EVI2B: variants seen among roughly 807,000 people sequenced by gnomAD.
EVI2B encodes ecotropic viral integration site 2B.
A neutral mutation model predicts 6.6 loss-of-function variants in EVI2B; 4 were observed. The ratio of observed to expected loss-of-function variants is 0.61; its 90% CI spans 0.30 to 1.39. The LOEUF is 1.39. Ranked by LOEUF, EVI2B falls within the 40% of genes most tolerant of loss-of-function variation. The pLI is 0.08. For missense variants in EVI2B, 484 were observed against 516.6 expected (o/e 0.94, Z 0.61); for synonymous variants, 181 against 186.8 (o/e 0.97, Z 0.25).
intron 1 of EVI2B, among the ~76,000 whole-genome samples, chr17:31,306,800 A>G (rs1215625658): frequency 6.7e-6 from 1 of 150,312 alleles, no homozygotes; most frequent in African/African-American, 2.4e-5. Flanking sequence ...AGGAGATTAA[A>G]AAAAAAAAAA....
Position 31,305,361 on chromosome 17 carries a change from T to C in EVI2B, c.249A>G (p.Pro83=). The C allele has an allele frequency of 6.2e-7, 1 of 1,614,124 alleles. No individual in the cohort carries two copies. Among genetic ancestry groups the C allele is most frequent in the East Asian group, 2.2e-5 (1 of 44,888 alleles). Residue 83 remains proline (P), a synonymous_variant, in exon 2 of 2, where the codon CCA becomes CCG. Coordinates refer to ENST00000330927, the MANE Select transcript of EVI2B (RefSeq NM_006495.4). ...PAKVTAGQPT[P]AVYTSSEKPE... is the part of the protein sequence containing the mutation. Reference sequence around the variant, plus strand: ...GTTTTTCAGAAGAGGTATAGACAGCTGGTGTTGGTTGTCCAGCAGTGACTT... The same window carrying C: ...GTTTTTCAGAAGAGGTATAGACAGCCGGTGTTGGTTGTCCAGCAGTGACTT...
rs572104724 is a variant in EVI2B, at chr17:31,304,500, A to G, written c.1110T>C (p.Ser370=). ...MTIVSPLPND[S]TSLPPSLDCL... Reference sequence around the variant, plus strand: ...AGTCCAGAGATGGAGGGAGACTAGTAGAATCATTTGGAAGAGGAGATACAA... The same window carrying G: ...AGTCCAGAGATGGAGGGAGACTAGTGGAATCATTTGGAAGAGGAGATACAA... Residue 370 remains serine, a synonymous_variant, in exon 2 of 2, where the codon TCT becomes TCC. Coordinates refer to ENST00000330927, the MANE Select transcript of EVI2B (RefSeq NM_006495.4). The G allele has an allele frequency of 6.2e-7, 1 of 1,614,204 alleles. No individual in the cohort carries two copies. The highest frequency in any genetic ancestry group is 8.5e-7 in the Non-Finnish European group (1 of 1,180,026).
chr17:31,310,989 C>T (rs976856184), intron 1 of EVI2B, among the ~76,000 whole-genome samples: 7 of 150,052 alleles, frequency 4.7e-5, no homozygotes, highest in Non-Finnish European at 8.9e-5. Flanking sequence ...CTCTGTCACC[C>T]GGGTTGCAGT....
chr17:31,307,583 A>G (rs907811231), intron 1 of EVI2B, among the ~76,000 whole-genome samples: 2 of 152,216 alleles, frequency 1.3e-5, no homozygotes, highest in Non-Finnish European at 2.9e-5. Flanking sequence ...TACTTCTCCC[A>G]TCTAACTACC....
Position 31,305,441 on chromosome 17 carries a change from C to G in EVI2B, c.169G>C (p.Gly57Arg), listed in dbSNP as rs775314294. ...NSQNTTGNPLGQPTQFSDTFS... is the reference protein window; with the variant it reads ...NSQNTTGNPLRQPTQFSDTFS... ...GTGTCGCTGAATTGTGTTGGTTGAC[C>G]CAAAGGATTCCCTGTTGTGTTTTGA... is the stretch of plus-strand genomic sequence containing the variant. The change falls in exon 2 of 2, where the codon GGT becomes CGT. Residue 57 changes from glycine to arginine, a missense_variant. Gly to Arg is a moderately radical substitution (Grantham distance 125, BLOSUM62 -2). Coordinates refer to ENST00000330927, the MANE Select transcript of EVI2B (RefSeq NM_006495.4). 6.2e-7 allele frequency: 1 copy of G among 1,614,046 alleles called. No individual in the cohort carries two copies. The highest frequency in any genetic ancestry group is 8.5e-7 in the Non-Finnish European group (1 of 1,180,006).
intron 1 of EVI2B, among the ~76,000 whole-genome samples, chr17:31,311,607 A>G (rs1476854527): frequency 2.0e-5 from 3 of 152,212 alleles, no homozygotes; most frequent in Middle Eastern, 3.2e-3. Flanking sequence ...ATCTTGTATC[A>G]TGATAGTGAC....
chr17:31,306,752 G>A (rs1350668907), intron 1 of EVI2B, among the ~76,000 whole-genome samples: 1 of 151,492 alleles, frequency 6.6e-6, no homozygotes, highest in Non-Finnish European at 1.5e-5. Context: ...TCATCTATTG[G>A]TAAATGCCAC....
Position 31,305,250 on chromosome 17 carries a change from G to T in EVI2B, c.360C>A (p.Ala120=). 3.1e-6 allele frequency: 5 copies of T among 1,614,138 alleles called. No homozygotes were observed. Among genetic ancestry groups the T allele is most frequent in the Non-Finnish European group, 3.4e-6 (4 of 1,180,012 alleles). The change falls in exon 2 of 2, where the codon GCC becomes GCA. Residue 120 remains alanine, a synonymous_variant. Coordinates refer to ENST00000330927, the MANE Select transcript of EVI2B (RefSeq NM_006495.4). Reference sequence around the variant, plus strand: ...GTAGTTGTCTGGCAGAGGTGAACACGGCTTGCTGGGAGGAGGTGTTGGCTA... The same window carrying T: ...GTAGTTGTCTGGCAGAGGTGAACACTGCTTGCTGGGAGGAGGTGTTGGCTA... The part of the protein sequence containing the change: ...TPIANTSSQQ[A]VFTSARQLPS...
rs540866525 is a variant in EVI2B at position 31,308,810 on chromosome 17, A to G, written c.-21-3180T>C. Among the ~76,000 whole-genome samples the G allele has an allele frequency of 1.2e-4, 19 of 152,080 alleles. No homozygotes were observed. The South Asian group carries it at 3.5e-3, about 28-fold the overall frequency. On this transcript the variant is annotated intron_variant, in intron 1 of 1. Transcript: ENST00000330927. ...ACTGAATTCCCCCTAGCTCTCATTT[A>G]TTGTTTTTATGGTTCCTTACATAAT... is the stretch of plus-strand genomic sequence containing the variant.
intron 1 of EVI2B, among the ~76,000 whole-genome samples, chr17:31,311,741 A>G (rs2068882101): frequency 6.6e-6 from 1 of 152,226 alleles, no homozygotes; most frequent in Non-Finnish European, 1.5e-5. Context: ...GCAGTATCAC[A>G]GCTCTAAGTA....
chr17:31,308,333 G>C (rs529032265), intron 1 of EVI2B, among the ~76,000 whole-genome samples: 1 of 152,066 alleles, frequency 6.6e-6, no homozygotes, highest in Admixed American at 6.5e-5. Context: ...TAGAGACAGG[G>C]TTTCACCATG....
At chr17:31,310,928 A>G (rs1201644054) in intron 1 of EVI2B, among the ~76,000 whole-genome samples, 1 of 151,446 alleles carries the variant, frequency 6.6e-6, no homozygotes, top group Non-Finnish European at 1.5e-5. Flanking sequence ...GTCCCCGTGT[A>G]TAAGACATGT....
intron 1 of EVI2B, among the ~76,000 whole-genome samples, chr17:31,309,244 A>G (rs1478736701): frequency 6.6e-6 from 1 of 152,142 alleles, no homozygotes; most frequent in African/African-American, 2.4e-5. Flanking sequence ...TTAATGCCTT[A>G]TATATTAGGA....
chr17:31,309,686 T>G (rs143555527), intron 1 of EVI2B, among the ~76,000 whole-genome samples: 1 of 152,206 alleles, frequency 6.6e-6, no homozygotes, highest in Non-Finnish European at 1.5e-5. Context: ...CTCTTTTCAG[T>G]TAGCTGAAAA....
chr17:31,309,560 T>A (rs2068814537), intron 1 of EVI2B, among the ~76,000 whole-genome samples: 1 of 152,210 alleles, frequency 6.6e-6, no homozygotes, highest in African/African-American at 2.4e-5. Flanking sequence ...AACTTCATTT[T>A]AAAAATCTGT....
intron 1 of EVI2B, among the ~76,000 whole-genome samples, chr17:31,311,195 C>T (rs906383805): frequency 4.6e-5 from 7 of 152,046 alleles, no homozygotes; most frequent in Non-Finnish European, 8.8e-5. Flanking sequence ...TCAAGTGACC[C>T]ACCCACCTTG....
rs2068681934 is a variant in EVI2B, at chr17:31,305,206, G to C, written c.404C>G (p.Thr135Ser). 6.2e-7 allele frequency: 1 copy of C among 1,614,174 alleles called. No individual in the cohort carries two copies. ...GACAAATGACTTTGGTGGTTGTGTG[G>C]TAGAAGTACGGGCAGATGGTAGTTG... ...ARQLPSARTS[T>S]TQPPKSFVYT... The change falls in exon 2 of 2, where the codon ACC becomes AGC. Residue 135 changes from threonine to serine, a missense_variant. Thr to Ser is a moderately conservative substitution (Grantham distance 58). Coordinates refer to ENST00000330927, the MANE Select transcript of EVI2B (RefSeq NM_006495.4).
Position 31,304,082 on chromosome 17 carries a change from C to A in EVI2B, c.*181G>T. 1.9e-6 allele frequency: 1 copy of A among 536,422 alleles called. No homozygotes were observed. The highest frequency in any genetic ancestry group is 3.2e-6 in the Non-Finnish European group (1 of 308,958). 33.2% of individuals were successfully genotyped at this position (536,422 alleles called of 1,614,324 possible). The stretch of plus-strand genomic sequence containing the variant: ...GGTACTATAATTAGTAAATAGATTA[C>A]TGTTAAATAACTTTTTTTAAAAAAA... On this transcript the variant is annotated 3_prime_UTR_variant, in exon 2 of 2. Transcript: ENST00000330927.
intron 1 of EVI2B, among the ~76,000 whole-genome samples, chr17:31,310,351 A>G (rs1172659432): frequency 6.6e-6 from 1 of 151,974 alleles, no homozygotes; most frequent in African/African-American, 2.4e-5. Context: ...AAGTTAATAA[A>G]CAGGTGAAAA....
Sources: gnomAD v4.1 joint callset for allele counts (sites outside exome capture counted in the v4.1 genomes callset) on GRCh38, gnomAD v4.1.1 for gene constraint, MANE v1.5 for transcripts, NCBI Gene and HGNC (gene_info 2026-07-23, HGNC 2026-07-21) for gene names.